Variants in KLHL4 observed in about 807,000 individuals in gnomAD.
KLHL4 encodes kelch-like protein 4.
A neutral mutation model predicts 45.8 loss-of-function variants in KLHL4; 17 were observed. The observed-to-expected ratio is 0.37, with a 90% CI of 0.25 to 0.56. The LOEUF (loss-of-function observed/expected upper bound fraction) is 0.56, where lower values mean the gene tolerates loss of function less well. Ranked by LOEUF, KLHL4 falls within the 20% of genes least tolerant of loss-of-function variation. The pLI is 0.79. For synonymous variants in KLHL4, 224 were observed against 189.9 expected (o/e 1.18, Z -1.47); for missense variants, 544 against 544.9 (o/e 1.00, Z 0.02).
intron 5 of KLHL4, among the ~76,000 whole-genome samples, chrX:87,623,383 T>A: frequency 1.0e-5 from 1 of 95,323 alleles, no homozygotes; most frequent in Non-Finnish European, 2.0e-5. Context: ...AACCTCTGAC[T>A]CCCTAGTTCA....
intron 1 of KLHL4, among the ~76,000 whole-genome samples, chrX:87,609,104 G>T (rs1922290139): frequency 9.0e-6 from 1 of 111,441 alleles, no homozygotes; most frequent in Non-Finnish European, 1.9e-5. Flanking sequence ...CTTTTTTATG[G>T]CTGCATAGTA....
At chrX:87,584,646 T>A (rs1389108932) in intron 1 of KLHL4, among the ~76,000 whole-genome samples, 1 of 109,961 alleles carries the variant, frequency 9.1e-6, no homozygotes, top group Non-Finnish European at 1.9e-5. Flanking sequence ...TGAAGACAGC[T>A]ACTTGAAAAT....
chrX:87,651,609 A>G (rs939467363), intron 9 of KLHL4, among the ~76,000 whole-genome samples: 4 of 112,455 alleles, frequency 3.6e-5, no homozygotes, highest in African/African-American at 1.3e-4. Context: ...CAAATCTTAA[A>G]GCTCCATAAC....
At chrX:87,620,193 A>G (rs1056395315) in intron 4 of KLHL4, among the ~76,000 whole-genome samples, 6 of 112,286 alleles carry the variant, frequency 5.3e-5, no homozygotes, top group African/African-American at 1.9e-4. Context: ...TTGCAACAAT[A>G]TAAGTGTAGA....
chrX:87,574,002 T>G (rs921023073), intron 1 of KLHL4, among the ~76,000 whole-genome samples: 12 of 111,658 alleles, frequency 1.1e-4, no homozygotes, highest in Non-Finnish European at 2.1e-4. Flanking sequence ...AAGCTATTCT[T>G]TGTGACAACA....
intron 9 of KLHL4, among the ~76,000 whole-genome samples, chrX:87,636,477 C>T (rs779462245): frequency 5.1e-4 from 57 of 111,808 alleles, no homozygotes; most frequent in Admixed American, 1.1e-3. Context: ...TCAAGAGAAT[C>T]CACAGACCCT....
chrX:87,596,070 T>C (rs755250047), intron 1 of KLHL4, among the ~76,000 whole-genome samples: 1 of 110,939 alleles, frequency 9.0e-6, no homozygotes, highest in African/African-American at 3.3e-5. Flanking sequence ...CATCTCCCCC[T>C]CTTACTCTTG....
chrX:87,552,147 C>A (rs987599022), intron 1 of KLHL4, among the ~76,000 whole-genome samples: 1 of 111,243 alleles, frequency 9.0e-6, no homozygotes, highest in African/African-American at 3.3e-5. Context: ...ATCTGTACAT[C>A]TGGCAAAGGA....
intron 1 of KLHL4, among the ~76,000 whole-genome samples, chrX:87,531,136 G>T (rs2147766151): frequency 1.8e-5 from 2 of 110,453 alleles, no homozygotes; most frequent in South Asian, 7.8e-4. Context: ...TTGTAAATTT[G>T]TTTGAGTTCA....
chrX:87,601,404 C>T (rs1042392369), intron 1 of KLHL4, among the ~76,000 whole-genome samples: 3 of 111,413 alleles, frequency 2.7e-5, no homozygotes, highest in African/African-American at 9.8e-5. Context: ...CATGAGGGGC[C>T]ACGTGCAGGG....
At chrX:87,640,641 C>G (rs1376284059) in intron 9 of KLHL4, among the ~76,000 whole-genome samples, 1 of 111,461 alleles carries the variant, frequency 9.0e-6, no homozygotes, top group East Asian at 2.8e-4. Context: ...GTCCAGCATC[C>G]CTTTATCATT....
At chrX:87,662,789 T>G (rs936418823) in intron 9 of KLHL4, among the ~76,000 whole-genome samples, 13 of 108,911 alleles carry the variant, frequency 1.2e-4, no homozygotes, top group African/African-American at 4.0e-4. Flanking sequence ...AATTAGCCGG[T>G]CGTGGTGGCG....
At chrX:87,523,966 A>T (rs368884466) in intron 1 of KLHL4, among the ~76,000 whole-genome samples, 4 of 111,285 alleles carry the variant, frequency 3.6e-5, no homozygotes, top group African/African-American at 1.3e-4. Flanking sequence ...CCGTCTCAAA[A>T]AAATAAATAA....
chrX:87,616,172 A>G (rs955639604), intron 3 of KLHL4, among the ~76,000 whole-genome samples: 1 of 110,750 alleles, frequency 9.0e-6, no homozygotes, highest in South Asian at 3.8e-4. Context: ...GGAGCAGACC[A>G]TTTTTTAGGA....
intron 5 of KLHL4, among the ~76,000 whole-genome samples, chrX:87,623,329 C>T (rs1380668073): frequency 1.4e-5 from 1 of 71,285 alleles, no homozygotes; most frequent in Non-Finnish European, 2.4e-5. Flanking sequence ...GAGTCTTGCT[C>T]TGTTGCCAGG....
At chrX:87,527,556 C>T (rs1355193593) in intron 1 of KLHL4, among the ~76,000 whole-genome samples, 1 of 111,261 alleles carries the variant, frequency 9.0e-6, no homozygotes, top group African/African-American at 3.3e-5. Flanking sequence ...CAGCTTCCCA[C>T]ACCCGCACAT....
At chrX:87,550,475 A>G (rs919723422) in intron 1 of KLHL4, among the ~76,000 whole-genome samples, 2 of 111,666 alleles carry the variant, frequency 1.8e-5, no homozygotes, top group African/African-American at 6.5e-5. Context: ...CACAAGATAG[A>G]GAAAGAGGGA....
At chrX:87,544,767 G>C (rs760286549) in intron 1 of KLHL4, among the ~76,000 whole-genome samples, 16 of 111,773 alleles carry the variant, frequency 1.4e-4, no homozygotes, top group Middle Eastern at 4.6e-3. Context: ...CCACACCAAA[G>C]CAGATATAGC....
At chrX:87,564,455 T>G (rs1464550535) in intron 1 of KLHL4, among the ~76,000 whole-genome samples, 1 of 110,986 alleles carries the variant, frequency 9.0e-6, no homozygotes, top group Non-Finnish European at 1.9e-5. Context: ...CACTTTTAGA[T>G]CAAGACACAA....
Sources: gnomAD v4.1 joint callset for allele counts (sites outside exome capture counted in the v4.1 genomes callset) on GRCh38, gnomAD v4.1.1 for gene constraint, MANE v1.5 for transcripts, NCBI Gene and HGNC (gene_info 2026-07-23, HGNC 2026-07-21) for gene names.